Variants in FAM53B observed in about 807,000 individuals in gnomAD.
The protein encoded by FAM53B is family with sequence similarity 53 member B.
Under a neutral mutation model 32.7 loss-of-function variants are expected in FAM53B, and 12 were observed. The observed-to-expected ratio is 0.37, with a 90% CI of 0.24 to 0.59. The LOEUF (loss-of-function observed/expected upper bound fraction) is 0.59, where lower values mean the gene tolerates loss of function less well. Among genes scored for constraint, FAM53B ranks in the 20% least tolerant of loss-of-function variants. The probability of loss-of-function intolerance (pLI) is 0.72; values close to 1 mark genes in which losing one functional copy is unlikely to be tolerated. For synonymous variants in FAM53B, 234 were observed against 228.7 expected (o/e 1.02, Z -0.21); for missense variants, 477 against 577.7 (o/e 0.83, Z 1.79).
At position 124,682,319 on chromosome 10, in the gene FAM53B, G is replaced by T; in HGVS notation, c.194C>A (p.Thr65Asn). The T allele has an allele frequency of 6.2e-7, 1 of 1,613,780 alleles. No homozygotes were observed. The highest frequency in any genetic ancestry group is 1.3e-5 in the African/African-American group (1 of 75,048). ...KCPLQIDQPS[T>N]SIWECLPEKD... Reference sequence around the variant, plus strand: ...TTCAGGCAGGCATTCCCAGATGCTGGTGCTCGGTTGGTCAATCTGAAGAGG... The same window carrying T: ...TTCAGGCAGGCATTCCCAGATGCTGTTGCTCGGTTGGTCAATCTGAAGAGG... The change falls in exon 4 of 5, where the codon ACC (threonine) becomes AAC (asparagine). Residue 65 changes from threonine (T) to asparagine (N), a missense_variant. This residue lies in a region of FAM53B where 312 missense variants were observed against 420.2 expected (regional missense o/e 0.74). Coordinates refer to ENST00000337318, the MANE Select transcript of FAM53B (RefSeq NM_014661.4). This position sits in a 1 kb window ranked among gnomAD's most constrained non-coding sequence, Gnocchi z 5.2.
At chr10:124,657,950 C>CTGCT (rs1400592526) in intron 4 of FAM53B, among the ~76,000 whole-genome samples, 6 of 152,242 alleles carry the variant, frequency 3.9e-5, no homozygotes, top group African/African-American at 1.4e-4. Flanking sequence ...AGGTTCCTTT[C>CTGCT]TGCTTGCTTG....
chr10:124,643,389 T>TA (rs1318964327), intron 4 of FAM53B, among the ~76,000 whole-genome samples: 2 of 152,230 alleles, frequency 1.3e-5, no homozygotes, highest in Non-Finnish European at 2.9e-5. Flanking sequence ...AGGTGGCTGA[T>TA]AAATTTCCCA....
chr10:124,714,615 C>T (rs1210855027), intron 1 of FAM53B, among the ~76,000 whole-genome samples: 4 of 151,988 alleles, frequency 2.6e-5, no homozygotes, highest in Non-Finnish European at 5.9e-5. Context: ...AAGAATTAGC[C>T]GGGTGTGGTG....
At chr10:124,711,468 C>T (rs902186029) in intron 1 of FAM53B, among the ~76,000 whole-genome samples, 1 of 151,616 alleles carries the variant, frequency 6.6e-6, no homozygotes, top group South Asian at 2.1e-4. Context: ...TAGGGGACAG[C>T]GAGTAAGGGA....
At position 124,706,779 on chromosome 10, in the gene FAM53B, T is replaced by A. The variant is rs1304348830; in HGVS notation, c.-66A>T. 4 of 1,610,746 alleles carry A rather than the reference T, an allele frequency of 2.5e-6. No homozygotes were observed. The African/African-American group carries it at 5.3e-5, about 22-fold the overall frequency. On this transcript the variant is annotated 5_prime_UTR_variant, in exon 2 of 5. The change creates a new upstream start codon in the 5' untranslated region. Transcript: ENST00000337318. ...ATCAGCCATCTTCACTTGGGCAGAC[T>A]TGGGGTGAGTACCTCCTGGGGAATT...
rs541451475 is a variant in FAM53B, at chr10:124,621,739, C to T, written c.*1503G>A. The T allele has an allele frequency of 4.3e-4, 66 of 152,332 alleles. 1 individual carries two copies. Among genetic ancestry groups the T allele is most frequent in the African/African-American group, 1.5e-3 (62 of 41,570 alleles). 9.4% of individuals were successfully genotyped at this position (152,332 alleles called of 1,614,324 possible). A position where few individuals can be genotyped will look rare whatever the true frequency, so the allele number is the denominator to read the frequency against. ...CTGGACTCAACCTGCAGAAGCGAGG[C>T]GTTCACTCGTCCATGAAGACGAGCA... On this transcript the variant is annotated 3_prime_UTR_variant, in exon 5 of 5. Transcript: ENST00000337318.
intron 4 of FAM53B, among the ~76,000 whole-genome samples, chr10:124,666,036 A>G (rs1431804985): frequency 6.6e-6 from 1 of 152,216 alleles, no homozygotes; most frequent in Non-Finnish European, 1.5e-5. Flanking sequence ...AGTTGTATAC[A>G]GCTGGTGTTC....
chr10:124,676,879 T>A (rs1460291323), intron 4 of FAM53B, among the ~76,000 whole-genome samples: 1 of 152,100 alleles, frequency 6.6e-6, no homozygotes, highest in African/African-American at 2.4e-5. Context: ...CCCTCAAACA[T>A]CTGCTAACAC....
rs369649807 is a variant in FAM53B at position 124,706,624 on chromosome 10, C to T, written c.78+12G>A. On this transcript the variant is annotated intron_variant, in intron 2 of 4. Transcript: ENST00000337318. ...ATGGTCATGGAAAGCAGGAAGCCTG[C>T]CAGGTCCTCACCAGTTCACGGCTGA... The T allele has an allele frequency of 1.3e-5, 21 of 1,614,162 alleles. No homozygotes were observed. In the African/African-American group the frequency reaches 2.4e-4, roughly 18 times the overall value.
chr10:124,710,008 A>G (rs572930686), intron 1 of FAM53B, among the ~76,000 whole-genome samples: 2 of 152,338 alleles, frequency 1.3e-5, no homozygotes, highest in South Asian at 4.1e-4. Context: ...AACAGGCAAG[A>G]TTTCATCAGG....
chr10:124,711,342 G>T (rs146410768), intron 1 of FAM53B, among the ~76,000 whole-genome samples: 1 of 152,090 alleles, frequency 6.6e-6, no homozygotes, highest in Non-Finnish European at 1.5e-5. Flanking sequence ...GGAAATGGGC[G>T]TGGCTATGAA....
chr10:124,678,603 T>A (rs897278), intron 4 of FAM53B, among the ~76,000 whole-genome samples: 148,562 of 152,306 alleles, frequency 0.98, 72,552 homozygotes, highest in Non-Finnish European at 1. Flanking sequence ...GACCAAGAGA[T>A]CTTCAGTTTC....
intron 4 of FAM53B, among the ~76,000 whole-genome samples, chr10:124,676,023 G>C (rs1172700188): frequency 6.6e-6 from 1 of 152,206 alleles, no homozygotes; most frequent in African/African-American, 2.4e-5. Flanking sequence ...TGTCTGTCAA[G>C]AGCACGGAAG....
chr10:124,687,724 T>G (rs1382917613), intron 3 of FAM53B, among the ~76,000 whole-genome samples: 1 of 152,198 alleles, frequency 6.6e-6, no homozygotes, highest in Admixed American at 6.5e-5. Context: ...AGACCCCGTC[T>G]CTGACTTGGT....
chr10:124,675,053 G>T (rs891052812), intron 4 of FAM53B, among the ~76,000 whole-genome samples: 1 of 152,224 alleles, frequency 6.6e-6, no homozygotes, highest in Non-Finnish European at 1.5e-5. Context: ...CTCCTTAGCA[G>T]TCCCCAGATG....
At chr10:124,623,670 C>G in intron 4 of FAM53B, 66 bp from the exon 5 acceptor site, 1 of 1,496,578 alleles carries the variant, frequency 6.7e-7, no homozygotes, top group East Asian at 2.3e-5. Context: ...GGACTGCACA[C>G]CCCACAAAGC....
At chr10:124,700,855 C>A (rs933753776) in intron 2 of FAM53B, among the ~76,000 whole-genome samples, 2 of 152,208 alleles carry the variant, frequency 1.3e-5, no homozygotes, top group African/African-American at 4.8e-5. Context: ...GGGAGGCTCG[C>A]GCTCATGCCC....
rs138117128 is a variant in FAM53B, at chr10:124,725,483, G to A, written c.-175+18530C>T. Reference sequence around the variant, plus strand: ...AAAGGGCGCCCAGCCTTGGACTGACGGCAGTGAGTGGGAAGCTTCATGAAG... The same window carrying A: ...AAAGGGCGCCCAGCCTTGGACTGACAGCAGTGAGTGGGAAGCTTCATGAAG... On this transcript the variant is annotated intron_variant, in intron 1 of 4. Transcript: ENST00000337318. 4.6e-5 allele frequency among the ~76,000 whole-genome samples: 7 copies of A among 152,350 alleles called. No homozygotes were observed. In the East Asian group the frequency reaches 5.8e-4, roughly 13 times the overall value.
chr10:124,718,116 C>T (rs1434063174), intron 1 of FAM53B, among the ~76,000 whole-genome samples: 1 of 151,882 alleles, frequency 6.6e-6, no homozygotes, highest in East Asian at 1.9e-4. Flanking sequence ...ATCTAGGAGG[C>T]CTGCAGGCTG....
Sources: gnomAD v4.1 joint callset for allele counts (sites outside exome capture counted in the v4.1 genomes callset) on GRCh38, gnomAD v4.1.1 for gene constraint, gnomAD v4.1.1 regional missense constraint, Gnocchi (gnomAD v3.1) non-coding constraint, MANE v1.5 for transcripts, NCBI Gene and HGNC (gene_info 2026-07-23, HGNC 2026-07-21) for gene names.